The following MYBPC1 variants were observed in gnomAD, a reference collection of about 807,000 sequenced individuals.
The protein encoded by MYBPC1 is myosin-binding protein C, slow-type.
Under a neutral mutation model 147.1 loss-of-function variants are expected in MYBPC1, and 52 were observed. The observed-to-expected ratio is 0.35, with a 90% CI of 0.28 to 0.45. MYBPC1 has a LOEUF of 0.45. MYBPC1 is among the 20% of genes least tolerant of loss of function. The pLI is 1.00. For missense variants in MYBPC1, 1,228 were observed against 1,440.3 expected (o/e 0.85, Z 2.39); for synonymous variants, 477 against 475.9 (o/e 1.00, Z -0.03).
intron 3 of MYBPC1, among the ~76,000 whole-genome samples, chr12:101,622,298 T>G (rs1165037732): frequency 6.6e-6 from 1 of 152,040 alleles, no homozygotes; most frequent in African/African-American, 2.4e-5. Flanking sequence ...CTATGAAAAA[T>G]AAGAACCATT....
chr12:101,648,500 A>G (rs1277888241), intron 14 of MYBPC1, among the ~76,000 whole-genome samples: 1 of 152,240 alleles, frequency 6.6e-6, no homozygotes, highest in African/African-American at 2.4e-5. Context: ...AACTTACATG[A>G]AAAAACATAT....
chr12:101,647,994 G>A, intron 13 of MYBPC1, 51 bp from the exon 14 acceptor site: 2 of 1,441,716 alleles, frequency 1.4e-6, no homozygotes, highest in Non-Finnish European at 2.0e-6. Flanking sequence ...AGGGCTCATG[G>A]GATAGGCTTT....
intron 3 of MYBPC1, among the ~76,000 whole-genome samples, chr12:101,625,589 G>T (rs1181001795): frequency 6.6e-6 from 1 of 152,208 alleles, no homozygotes; most frequent in African/African-American, 2.4e-5. Context: ...GTTGTGGTTG[G>T]TCTCCTGACT....
At chr12:101,664,131 G>A (rs762274281) in intron 22 of MYBPC1, among the ~76,000 whole-genome samples, 4 of 152,106 alleles carry the variant, frequency 2.6e-5, no homozygotes, top group Non-Finnish European at 4.4e-5. Context: ...CTCAGGAGTT[G>A]GGGATATAAA....
Position 101,642,586 on chromosome 12 carries a change from G to A in MYBPC1, c.832+1G>A. ...CGCAGAGAGGAGAAGAAGAGCGCAG[G>A]TGAGCGCTCCCGGGGGCGAGGCAGC... is the stretch of plus-strand genomic sequence containing the variant. On this transcript the variant is annotated splice_donor_variant, in intron 11 of 31. Transcript: ENST00000361466. LOFTEE classifies it high-confidence loss of function. 6.2e-7 allele frequency: 1 copy of A among 1,609,208 alleles called. No homozygotes were observed. The highest frequency in any genetic ancestry group is 8.5e-7 in the Non-Finnish European group (1 of 1,178,016).
chr12:101,633,224 C>T (rs568269999), intron 8 of MYBPC1, among the ~76,000 whole-genome samples: 1 of 152,282 alleles, frequency 6.6e-6, no homozygotes, highest in Non-Finnish European at 1.5e-5. Context: ...AAACCACACC[C>T]TATCCAGCTT....
chr12:101,673,416 T>C lies in MYBPC1; in HGVS notation c.2614-11T>C. On this transcript the variant is annotated splice_polypyrimidine_tract_variant and intron_variant, in intron 24 of 31. Transcript: ENST00000361466. ...ATTTACCCTCTCTACTTTTGCTGTC[T>C]TTCTTTTTAGGGAAAACCAAGACCA... 1 of 1,611,788 alleles carries C rather than the reference T, an allele frequency of 6.2e-7. No homozygotes were observed. The highest frequency in any genetic ancestry group is 8.5e-7 in the Non-Finnish European group (1 of 1,179,518).
In MYBPC1 at chr12:101,648,080, A is replaced by G. The variant is rs1362073307; in HGVS notation, c.1126A>G (p.Thr376Ala). Residue 376 changes from threonine (T) to alanine (A), a missense_variant, in exon 14 of 32, where the codon ACA becomes GCA. Physicochemically the swap from Thr to Ala is moderately conservative, Grantham distance 58. Coordinates refer to ENST00000361466, the MANE Select transcript of MYBPC1 (RefSeq NM_002465.4). ...PIMVTKQLED[T>A]TAYCGERVEL... ...TATGGTGACCAAACAGCTGGAAGAT[A>G]CAACTGCTTATTGTGGGGAGAGAGT... The G allele has an allele frequency of 9.9e-6, 16 of 1,613,018 alleles. No homozygotes were observed.
At chr12:101,648,434 G>A (rs1055739631) in intron 14 of MYBPC1, among the ~76,000 whole-genome samples, 2 of 152,174 alleles carry the variant, frequency 1.3e-5, no homozygotes, top group Non-Finnish European at 2.9e-5. Context: ...TGACCCCAAA[G>A]CCTATGGATG....
At chr12:101,614,832 C>A (rs1885460148) in intron 2 of MYBPC1, 1 of 449,802 alleles carries the variant, frequency 2.2e-6, no homozygotes, top group Non-Finnish European at 4.1e-6. Context: ...GGAGGCTGAG[C>A]CTCCATCCAA....
At chr12:101,691,284 C>T in the MYBPC1 span, among the ~76,000 whole-genome samples, 1 of 152,122 alleles carries the variant, frequency 6.6e-6, no homozygotes, top group Non-Finnish European at 1.5e-5. Context: ...TTTGGCCAGG[C>T]TAGTCTCAAA....
Position 101,685,975 on chromosome 12 carries a change from T to C in MYBPC1, c.*413T>C. ...AAAGCAGTTATTTTTGTTTACATAG[T>C]AGGCTATAAATGCTTTTTTTTTCCT... On this transcript the variant is annotated 3_prime_UTR_variant, in exon 32 of 32. Transcript: ENST00000361466. 5.0e-6 allele frequency: 1 copy of C among 200,060 alleles called. No homozygotes were observed. The highest frequency in any genetic ancestry group is 9.9e-6 in the Non-Finnish European group (1 of 100,510). The allele number at this position is 200,060 out of a possible 1,614,324, so 12.4% of individuals were successfully genotyped here. A position where few individuals can be genotyped will look rare whatever the true frequency, so the allele number is the denominator to read the frequency against.
intron 23 of MYBPC1, among the ~76,000 whole-genome samples, chr12:101,668,623 G>A (rs1314665848): frequency 1.3e-5 from 2 of 151,968 alleles, no homozygotes; most frequent in African/African-American, 4.8e-5. Flanking sequence ...ACTACGCCTG[G>A]CTAATTTTTT....
intron 19 of MYBPC1, 28 bp from the exon 20 acceptor site, chr12:101,661,130 A>T: frequency 6.7e-7 from 1 of 1,494,504 alleles, no homozygotes; most frequent in Non-Finnish European, 9.3e-7. Flanking sequence ...TCCTTATTTT[A>T]CTTTATCCTA....
At chr12:101,612,012 C>A (rs908135860) in intron 1 of MYBPC1, among the ~76,000 whole-genome samples, 10 of 149,622 alleles carry the variant, frequency 6.7e-5, no homozygotes, top group African/African-American at 2.5e-4. Flanking sequence ...AGGAGGTGGA[C>A]GTTGCAGTGA....
chr12:101,617,091 G>T, intron 2 of MYBPC1, 111 bp from the exon 3 acceptor site: 2 of 912,222 alleles, frequency 2.2e-6, no homozygotes, highest in South Asian at 2.8e-5. Context: ...TATCATTTAT[G>T]ACCTGTTCTG....
chr12:101,662,631 G>T, intron 21 of MYBPC1, 85 bp downstream of exon 21: 1 of 1,448,976 alleles, frequency 6.9e-7, no homozygotes, highest in Non-Finnish European at 9.7e-7. Context: ...ACTGGAACAG[G>T]CCTGGACACT....
chr12:101,666,712 C>T (rs371738679), intron 22 of MYBPC1: 43 of 1,591,464 alleles, frequency 2.7e-5, no homozygotes, highest in Non-Finnish European at 3.6e-5. Flanking sequence ...AAGTGGGTGT[C>T]TTTAATTAAT....
At chr12:101,682,532 T>G in intron 29 of MYBPC1, 72 bp from the exon 30 acceptor site, 136 of 1,400,164 alleles carry the variant, frequency 9.7e-5, no homozygotes, top group Non-Finnish European at 1.2e-4. Context: ...TGAATCAAGT[T>G]GAGTTGTGAA....
Sources: gnomAD v4.1 joint callset for allele counts (sites outside exome capture counted in the v4.1 genomes callset) on GRCh38, gnomAD v4.1.1 for gene constraint, MANE v1.5 for transcripts, NCBI Gene and HGNC (gene_info 2026-07-23, HGNC 2026-07-21) for gene names.